Variants in USP6NL observed in about 807,000 individuals in gnomAD.
The protein encoded by USP6NL is USP6 N-terminal-like protein.
In USP6NL, 26 loss-of-function variants were observed where a neutral mutation model predicts 61.9. The observed-to-expected ratio is 0.42, with a 90% confidence interval of 0.31 to 0.58. USP6NL has a LOEUF of 0.58. USP6NL is among the 20% of genes least tolerant of loss of function. The pLI, the probability that USP6NL is intolerant of heterozygous loss-of-function variation, is 0.16. For missense variants in USP6NL, 1,114 were observed against 1,034.3 expected (o/e 1.08, Z -1.06); for synonymous variants, 432 against 390.1 (o/e 1.11, Z -1.27).
chr10:11,559,465 A>G (rs1836840294), intron 2 of USP6NL, among the ~76,000 whole-genome samples: 1 of 152,220 alleles, frequency 6.6e-6, no homozygotes, highest in Non-Finnish European at 1.5e-5. Flanking sequence ...ATCCACGCAC[A>G]CTAGTAAGAC....
intron 2 of USP6NL, among the ~76,000 whole-genome samples, chr10:11,530,099 C>G (rs1835589589): frequency 1.2e-5 from 1 of 85,252 alleles, no homozygotes. Context: ...AAGACCCTGT[C>G]TCAAAAAAAA....
At chr10:11,466,586 G>A (rs563457997) in intron 14 of USP6NL, among the ~76,000 whole-genome samples, 4 of 152,288 alleles carry the variant, frequency 2.6e-5, no homozygotes, top group South Asian at 2.1e-4. Flanking sequence ...CATATTTCCC[G>A]ACATATAGAA....
intron 2 of USP6NL, among the ~76,000 whole-genome samples, chr10:11,556,845 G>A (rs575167778): frequency 1.3e-5 from 2 of 152,190 alleles, no homozygotes; most frequent in Admixed American, 1.3e-4. Context: ...AGGTCAGAGA[G>A]ACACTTAGAA....
chr10:11,486,293 A>G (rs1403697721), intron 10 of USP6NL, among the ~76,000 whole-genome samples: 1 of 151,984 alleles, frequency 6.6e-6, no homozygotes, highest in Non-Finnish European at 1.5e-5. Context: ...TTTACTCTTA[A>G]TATGTTAAAT....
At chr10:11,583,434 AC>A (rs966462453) in intron 2 of USP6NL, among the ~76,000 whole-genome samples, 2 of 151,628 alleles carry the variant, frequency 1.3e-5, no homozygotes, top group Non-Finnish European at 2.9e-5. Flanking sequence ...CTCAGGATCC[AC>A]CCACCTCAGC....
Position 11,560,126 on chromosome 10 carries a change from A to C in USP6NL, c.5-32559T>G, listed in dbSNP as rs35331753. 7.4e-3 allele frequency among the ~76,000 whole-genome samples: 1,126 copies of C among 152,346 alleles called. 2 individuals carry two copies. Among genetic ancestry groups the C allele is most frequent in the South Asian group, 0.012 (57 of 4,824 alleles). On this transcript the variant is annotated intron_variant, in intron 2 of 14. Coordinates refer to ENST00000609104, the MANE Select transcript of USP6NL (RefSeq NM_014688.5). ...TAATAAAGTCTCATTTCGTTCAAAA[A>C]AGCACGATACATTGCAAATTCCTAA...
At chr10:11,543,803 G>GTTTTTTTTT (rs781443038) in intron 2 of USP6NL, among the ~76,000 whole-genome samples, 3 of 76,394 alleles carry the variant, frequency 3.9e-5, no homozygotes, top group Admixed American at 1.9e-4. Flanking sequence ...AAATATTTAG[G>GTTTTTTTTT]TTTTTTTTTT....
At position 11,587,307 on chromosome 10, in the gene USP6NL, T is replaced by C. The variant is rs1172111825; in HGVS notation, c.4+10324A>G. Reference sequence around the variant, plus strand: ...ATGACCCCTAAAATATTTTAAGAAATTAATTTATAGTATCATGTGTCTCAA... The same window carrying C: ...ATGACCCCTAAAATATTTTAAGAAACTAATTTATAGTATCATGTGTCTCAA... On this transcript the variant is annotated intron_variant, in intron 2 of 14. Coordinates refer to ENST00000609104, the MANE Select transcript of USP6NL (RefSeq NM_014688.5). The surrounding 1 kb of genome is among the most constrained non-coding windows in gnomAD (Gnocchi z 4.5). Among the ~76,000 whole-genome samples the C allele has an allele frequency of 5.3e-5, 8 of 152,214 alleles. No individual in the cohort carries two copies. The highest frequency in any genetic ancestry group is 1.0e-4 in the Non-Finnish European group (7 of 68,038).
intron 3 of USP6NL, 127 bp downstream of exon 3, chr10:11,527,373 A>C (rs1260169857): frequency 3.1e-5 from 23 of 747,180 alleles, no homozygotes; most frequent in Non-Finnish European, 1.8e-5. Context: ...AGCGAAGATG[A>C]TCTCTATGTC....
rs758385078 is a variant in USP6NL, at chr10:11,602,110, A to C, written c.-83-4393T>G. Among the ~76,000 whole-genome samples the C allele has an allele frequency of 6.6e-6, 1 of 152,208 alleles. No homozygotes were observed. The highest frequency in any genetic ancestry group is 2.4e-5 in the African/African-American group (1 of 41,446). ...GTCCAAATAACAAGGGATTGACTAC[A>C]TTGTTAATTCACATTTAATAGATTC... is the stretch of plus-strand genomic sequence containing the variant. On this transcript the variant is annotated intron_variant, in intron 1 of 14. Coordinates refer to ENST00000609104, the MANE Select transcript of USP6NL (RefSeq NM_014688.5). The surrounding 1 kb of genome is among the most constrained non-coding windows in gnomAD (Gnocchi z 4.8).
Position 11,561,197 on chromosome 10 carries a change from C to T in USP6NL, c.5-33630G>A, listed in dbSNP as rs1836918676. ...TGCTTTATACATCCAAAAAAAATAA[C>T]ATTGTAGAATACCTCATTTCCTAAC... On this transcript the variant is annotated intron_variant, in intron 2 of 14. Coordinates refer to ENST00000609104, the MANE Select transcript of USP6NL (RefSeq NM_014688.5). This position sits in a 1 kb window ranked among gnomAD's most constrained non-coding sequence, Gnocchi z 4.1. Among the ~76,000 whole-genome samples, 1 of 152,112 alleles carries T rather than the reference C, an allele frequency of 6.6e-6. No homozygotes were observed. Among genetic ancestry groups the T allele is most frequent in the African/African-American group, 2.4e-5 (1 of 41,430 alleles).
At chr10:11,549,250 A>G (rs1264077529) in intron 2 of USP6NL, among the ~76,000 whole-genome samples, 2 of 152,184 alleles carry the variant, frequency 1.3e-5, no homozygotes, top group African/African-American at 4.8e-5. Flanking sequence ...TTTTACGATA[A>G]AAAGAACAAC....
At chr10:11,577,608 C>A (rs971525272) in intron 2 of USP6NL, among the ~76,000 whole-genome samples, 1 of 152,134 alleles carries the variant, frequency 6.6e-6, no homozygotes, top group Admixed American at 6.5e-5. Flanking sequence ...TCAAGCAATT[C>A]TCCTGCTTCA....
At chr10:11,582,316 G>A (rs1397644966) in intron 2 of USP6NL, among the ~76,000 whole-genome samples, 1 of 152,182 alleles carries the variant, frequency 6.6e-6, no homozygotes, top group African/African-American at 2.4e-5. Context: ...GGCCAGGTTA[G>A]TCTCGAACTC....
In USP6NL at chr10:11,482,784, A is replaced by C. The variant is rs1833256224; in HGVS notation, c.926-862T>G. Among the ~76,000 whole-genome samples, 1 of 152,242 alleles carries C rather than the reference A, an allele frequency of 6.6e-6. No homozygotes were observed. The highest frequency in any genetic ancestry group is 2.4e-5 in the African/African-American group (1 of 41,462). On this transcript the variant is annotated intron_variant, in intron 13 of 14. Transcript: ENST00000609104. This position sits in a 1 kb window ranked among gnomAD's most constrained non-coding sequence, Gnocchi z 4.0. ...GTATTTTTAAGACAATCAGTAAGAAAAAAAAGAAAAAGGAAAAAATTTCTT... is the reference window on the plus strand; with the variant it reads ...GTATTTTTAAGACAATCAGTAAGAACAAAAAGAAAAAGGAAAAAATTTCTT...
At position 11,574,144 on chromosome 10, in the gene USP6NL, G is replaced by T. The variant is rs985672966; in HGVS notation, c.4+23487C>A. Among the ~76,000 whole-genome samples the T allele has an allele frequency of 6.6e-6, 1 of 152,132 alleles. No homozygotes were observed. The highest frequency in any genetic ancestry group is 2.1e-4 in the South Asian group (1 of 4,824). On this transcript the variant is annotated intron_variant, in intron 2 of 14. Transcript: ENST00000609104. The surrounding 1 kb of genome is among the most constrained non-coding windows in gnomAD (Gnocchi z 4.3). ...GTCAACCAAAATACCCTGCACTGTC[G>T]AAAGCCTTAATACTTTTTTCCAATT...
At chr10:11,605,913 C>G (rs947156036) in intron 1 of USP6NL, among the ~76,000 whole-genome samples, 4 of 152,012 alleles carry the variant, frequency 2.6e-5, no homozygotes, top group Non-Finnish European at 4.4e-5. Context: ...AACTGAGCTC[C>G]CAGAAAGATT....
intron 2 of USP6NL, among the ~76,000 whole-genome samples, chr10:11,542,225 C>T (rs1364153017): frequency 2.0e-5 from 3 of 152,088 alleles, no homozygotes; most frequent in Non-Finnish European, 2.9e-5. Context: ...CTAGCTATCA[C>T]GTAATACAAA....
At chr10:11,557,774 G>A (rs113123894) in intron 2 of USP6NL, among the ~76,000 whole-genome samples, 4 of 152,240 alleles carry the variant, frequency 2.6e-5, no homozygotes, top group South Asian at 2.1e-4. Flanking sequence ...CATACTACAC[G>A]GGCGGGCTCA....
Sources: allele counts gnomAD v4.1 joint callset (sites outside exome capture counted in the v4.1 genomes callset), GRCh38; gene constraint gnomAD v4.1.1; non-coding constraint Gnocchi (gnomAD v3.1); transcripts MANE v1.5; gene names NCBI Gene and HGNC (gene_info 2026-07-23, HGNC 2026-07-21).